RTCA: variants seen among roughly 807,000 people sequenced by gnomAD.
RTCA encodes RNA terminal phosphate cyclase domain 1.
Under a neutral mutation model 46.1 loss-of-function variants are expected in RTCA, and 37 were observed. That is an observed-to-expected ratio of 0.80 (90% confidence interval 0.62 to 1.06). The LOEUF (loss-of-function observed/expected upper bound fraction) is 1.06. Ranked by LOEUF, RTCA falls within the 50% of genes least tolerant of loss-of-function variation. The pLI, the probability that RTCA is intolerant of heterozygous loss-of-function variation, is 0.00. For missense variants in RTCA, 435 were observed against 455.5 expected (o/e 0.95, Z 0.41); for synonymous variants, 164 against 158.3 (o/e 1.04, Z -0.27).
chr1:100,268,720 AT>A (rs1665920552), intron 3 of RTCA, among the ~76,000 whole-genome samples: 1 of 152,214 alleles, frequency 6.6e-6, no homozygotes, highest in Non-Finnish European at 1.5e-5. Flanking sequence ...AATTAATGAA[AT>A]TCATTATTAC....
At chr1:100,273,781 A>G (rs1666228146) in intron 5 of RTCA, among the ~76,000 whole-genome samples, 1 of 152,250 alleles carries the variant, frequency 6.6e-6, no homozygotes. Flanking sequence ...CTAAGGGGTC[A>G]TAAAAGGAAT....
At chr1:100,288,796 C>G (rs1314776125) in intron 10 of RTCA, among the ~76,000 whole-genome samples, 1 of 152,028 alleles carries the variant, frequency 6.6e-6, no homozygotes, top group East Asian at 1.9e-4. Flanking sequence ...CTGCCCTACT[C>G]CTATTTGTAT....
chr1:100,267,661 T>TA, intron 2 of RTCA: 1 of 1,110,162 alleles, frequency 9.0e-7, no homozygotes, highest in Admixed American at 3.5e-5. Context: ...GTTTTTTTTT[T>TA]TTTTATAAGG....
intron 4 of RTCA, among the ~76,000 whole-genome samples, chr1:100,271,835 G>C (rs1314014257): frequency 6.6e-6 from 1 of 152,104 alleles, no homozygotes; most frequent in South Asian, 2.1e-4. Flanking sequence ...TCCCTTATAC[G>C]TTTTTGTAAT....
intron 10 of RTCA, among the ~76,000 whole-genome samples, chr1:100,289,432 GT>G: frequency 6.6e-6 from 1 of 152,194 alleles, no homozygotes; most frequent in South Asian, 2.1e-4. Flanking sequence ...GTGAGCTACT[GT>G]GCCCAGTTTG....
chr1:100,278,771 C>T (rs778591691), intron 8 of RTCA, among the ~76,000 whole-genome samples: 28 of 152,156 alleles, frequency 1.8e-4, no homozygotes, highest in Non-Finnish European at 3.1e-4. Flanking sequence ...TCACCATTTC[C>T]AGTTGAACTC....
At chr1:100,272,473 C>G (rs975373409) in intron 4 of RTCA, among the ~76,000 whole-genome samples, 1 of 152,026 alleles carries the variant, frequency 6.6e-6, no homozygotes, top group Admixed American at 6.6e-5. Flanking sequence ...TGTATCCATC[C>G]TAGCACTTGA....
chr1:100,269,991 C>A (rs1230416709), intron 3 of RTCA, among the ~76,000 whole-genome samples: 1 of 152,176 alleles, frequency 6.6e-6, no homozygotes, highest in Non-Finnish European at 1.5e-5. Context: ...CCAGCTTCAT[C>A]CATGTCCCTG....
intron 2 of RTCA, among the ~76,000 whole-genome samples, chr1:100,267,845 C>T (rs1466233088): frequency 1.3e-5 from 2 of 152,130 alleles, no homozygotes; most frequent in African/African-American, 2.4e-5. Context: ...CAAGTGCAAG[C>T]GAGACTGGTG....
intron 2 of RTCA, chr1:100,267,387 CA>C: frequency 4.2e-6 from 5 of 1,188,558 alleles, no homozygotes; most frequent in Non-Finnish European, 5.4e-6. Context: ...AGTTCACCAA[CA>C]GGGGAATCCA....
intron 10 of RTCA, among the ~76,000 whole-genome samples, chr1:100,291,023 G>A (rs1667324704): frequency 6.6e-6 from 1 of 152,086 alleles, no homozygotes; most frequent in South Asian, 2.1e-4. Flanking sequence ...CAAGATAAAA[G>A]TAGAAATGTT....
At chr1:100,289,151 CAG>C (rs768083281) in intron 10 of RTCA, among the ~76,000 whole-genome samples, 7 of 151,532 alleles carry the variant, frequency 4.6e-5, no homozygotes, top group Non-Finnish European at 7.4e-5. Context: ...TTTTAAGAGA[CAG>C]GGGCTTGCTC....
intron 4 of RTCA, 34 bp from the exon 5 acceptor site, chr1:100,273,360 T>C (rs771720460): frequency 2.1e-5 from 29 of 1,395,722 alleles, no homozygotes; most frequent in Non-Finnish European, 2.7e-5. Context: ...TGAATATTGC[T>C]GATTAACCTA....
At chr1:100,281,160 C>T in intron 8 of RTCA, 1 of 523,872 alleles carries the variant, frequency 1.9e-6, no homozygotes, top group South Asian at 1.4e-5. Context: ...GTTACTATAA[C>T]CATTTTGATC....
At chr1:100,277,409 G>A in intron 8 of RTCA, 93 bp downstream of exon 8, 1 of 1,110,278 alleles carries the variant, frequency 9.0e-7, no homozygotes, top group Admixed American at 2.5e-5. Flanking sequence ...ATGGATGAAA[G>A]TTTAAAAGGA....
In RTCA at chr1:100,267,555, A is replaced by T. The variant is rs775683804; in HGVS notation, c.147-597A>T. On this transcript the variant is annotated intron_variant, in intron 2 of 10. Coordinates refer to ENST00000370128, the MANE Select transcript of RTCA (RefSeq NM_003729.4). ...CCTGACAAGGTTGGTTTCCTCTGAG[A>T]GCCATGAGAAAAGGATCTGCTCCAG... 19 of 1,543,244 alleles carry T rather than the reference A, an allele frequency of 1.2e-5. No homozygotes were observed. The South Asian group carries it at 2.3e-4, about 19-fold the overall frequency.
At chr1:100,290,877 A>G (rs778472138) in intron 10 of RTCA, among the ~76,000 whole-genome samples, 2 of 152,194 alleles carry the variant, frequency 1.3e-5, no homozygotes, top group Non-Finnish European at 2.9e-5. Context: ...ATTAAAGATG[A>G]AGGAAGATGT....
At chr1:100,281,350 AC>A (rs764810041) in intron 8 of RTCA, 1 of 528,300 alleles carries the variant, frequency 1.9e-6, no homozygotes, top group South Asian at 1.4e-5. Context: ...GAGTGAGAAG[AC>A]CTAAATTTTA....
At chr1:100,277,160 A>C in intron 7 of RTCA, 98 bp from the exon 8 acceptor site, 1 of 1,118,816 alleles carries the variant, frequency 8.9e-7, no homozygotes, top group Non-Finnish European at 1.4e-6. Context: ...GCCCAGATTT[A>C]GTTCTGCCTA....
Sources: gnomAD v4.1 joint callset for allele counts (sites outside exome capture counted in the v4.1 genomes callset) on GRCh38, gnomAD v4.1.1 for gene constraint, MANE v1.5 for transcripts, NCBI Gene and HGNC (gene_info 2026-07-23, HGNC 2026-07-21) for gene names.